The following C14orf39 variants were observed in gnomAD, a reference collection of about 807,000 sequenced individuals.
C14orf39 encodes the protein protein SIX6OS1.
In C14orf39, 66 loss-of-function variants were observed where a neutral mutation model predicts 85.6. The observed-to-expected ratio is 0.77, with a 90% CI of 0.63 to 0.95. The LOEUF (loss-of-function observed/expected upper bound fraction) is 0.95, where lower values mean the gene tolerates loss of function less well. Among genes scored for constraint, C14orf39 ranks in the 40% least tolerant of loss-of-function variants. The pLI is 0.00. For synonymous variants in C14orf39, 242 were observed against 214.0 expected, an observed-to-expected ratio of 1.13 and a Z score of -1.14; for missense variants, 735 against 663.9, an observed-to-expected ratio of 1.11 and a Z score of -1.18.
chr14:60,482,879 G>GGTGTGTGTGTGTGGGT (rs1555359398), intron 4 of C14orf39, among the ~76,000 whole-genome samples: 1 of 146,644 alleles, frequency 6.8e-6, no homozygotes, highest in Admixed American at 6.9e-5. Flanking sequence ...TATATAGACA[G>GGTGTGTGTGTGTGGGT]GTGTGTGTGT....
intron 1 of C14orf39, among the ~76,000 whole-genome samples, chr14:60,501,887 A>G (rs1160310177): frequency 6.6e-6 from 1 of 152,230 alleles, no homozygotes; most frequent in Non-Finnish European, 1.5e-5. Context: ...AGGGGAACTA[A>G]CACTTGTTGA....
At chr14:60,474,849 G>A (rs1319788774) in intron 5 of C14orf39, among the ~76,000 whole-genome samples, 3 of 152,068 alleles carry the variant, frequency 2.0e-5, no homozygotes, top group Non-Finnish European at 4.4e-5. Flanking sequence ...CAGGGATTTT[G>A]GTCTAAAATT....
intron 17 of C14orf39, among the ~76,000 whole-genome samples, chr14:60,438,409 A>C (rs1481319509): frequency 2.0e-5 from 3 of 152,262 alleles, no homozygotes; most frequent in Admixed American, 6.5e-5. Flanking sequence ...ATCCAAAAAG[A>C]GCTAAAATCT....
chr14:60,453,307 G>A lies in C14orf39; in HGVS notation c.1503+1694C>T, dbSNP rs556651834. ...ATTGACTTTTTTATCTTTATGAAAC[G>A]TCCCTCTCATTTCTAGTAATATTCT... On this transcript the variant is annotated intron_variant, in intron 16 of 17. Coordinates refer to ENST00000321731, the MANE Select transcript of C14orf39 (RefSeq NM_174978.3). Among the ~76,000 whole-genome samples the A allele has an allele frequency of 7.9e-5, 12 of 151,750 alleles. 1 individual carries two copies. The highest frequency in any genetic ancestry group is 2.7e-4 in the African/African-American group (11 of 41,434).
chr14:60,504,815 C>T (rs1893184005), intron 1 of C14orf39, among the ~76,000 whole-genome samples: 1 of 152,172 alleles, frequency 6.6e-6, no homozygotes, highest in Non-Finnish European at 1.5e-5. Context: ...GGCTTAGATA[C>T]AAATTTTTAT....
At chr14:60,467,618 C>T (rs929032214) in intron 9 of C14orf39, among the ~76,000 whole-genome samples, 4 of 151,482 alleles carry the variant, frequency 2.6e-5, no homozygotes, top group Non-Finnish European at 4.4e-5. Flanking sequence ...TTCTTAAAGG[C>T]GGTCAATAAA....
At chr14:60,492,225 A>AAGAG (rs1893000477) in intron 2 of C14orf39, among the ~76,000 whole-genome samples, 1 of 152,238 alleles carries the variant, frequency 6.6e-6, no homozygotes, top group Non-Finnish European at 1.5e-5. Context: ...CTTCCACAGG[A>AAGAG]AGAGAAAAGA....
rs539269107 is a variant in C14orf39 at position 60,506,349 on chromosome 14, T to C, written c.-143-6919A>G. On this transcript the variant is annotated intron_variant, in intron 1 of 5. Transcript: ENST00000556799. ...CCTCAAAACTGGTAAAAGAAAAAAA[T>C]ATATACCCTTCTGTAAAATTAAGAA... is the stretch of plus-strand genomic sequence containing the variant. Among the ~76,000 whole-genome samples, 9 of 152,204 alleles carry C rather than the reference T, an allele frequency of 5.9e-5. No individual in the cohort carries two copies. The South Asian group carries it at 6.2e-4, about 11-fold the overall frequency.
intron 2 of C14orf39, chr14:60,495,474 G>A (rs7144161): frequency 0.029 from 5,130 of 179,430 alleles, 281 homozygotes; most frequent in African/African-American, 0.11. Context: ...GTACACCTAT[G>A]GAGAGCATCC....
intron 1 of C14orf39, among the ~76,000 whole-genome samples, chr14:60,505,127 A>G (rs1595496913): frequency 6.6e-6 from 1 of 152,356 alleles, no homozygotes; most frequent in East Asian, 1.9e-4. Flanking sequence ...GGAAATCTAC[A>G]AACATTGCTC....
Position 60,456,969 on chromosome 14 carries a change from C to A in C14orf39, c.1306G>T (p.Ala436Ser). Residue 436 changes from alanine (A) to serine (S), a missense_variant, in exon 15 of 18, where the codon GCA (alanine) becomes TCA (serine). By Grantham distance (99) the Ala-to-Ser change is moderately conservative. Coordinates refer to ENST00000321731, the MANE Select transcript of C14orf39 (RefSeq NM_174978.3). ...IFLGTPKAVK[A>S]PESLEKIKFP... is the part of the protein sequence containing the mutation. ...TTTATTTTCTCCAATGACTCAGGTG[C>A]TTTCACAGCTTTGGGAGTTCCTAAA... 1 of 1,606,792 alleles carries A rather than the reference C, an allele frequency of 6.2e-7. No homozygotes were observed. Among genetic ancestry groups the A allele is most frequent in the Non-Finnish European group, 8.5e-7 (1 of 1,177,236 alleles).
chr14:60,472,887 C>T (rs1410853952), intron 5 of C14orf39, among the ~76,000 whole-genome samples: 1 of 152,110 alleles, frequency 6.6e-6, no homozygotes, highest in Non-Finnish European at 1.5e-5. Flanking sequence ...GTCTTTATAG[C>T]AGCATGATTT....
At chr14:60,485,225 C>A in intron 1 of C14orf39, 139 bp from the exon 2 acceptor site, 1 of 708,682 alleles carries the variant, frequency 1.4e-6, no homozygotes, top group South Asian at 1.8e-5. Flanking sequence ...CGAGAGGCCC[C>A]CTTGAGCCCA....
At chr14:60,496,508 C>CTT (rs1893072264) in intron 2 of C14orf39, 1 of 241,446 alleles carries the variant, frequency 4.1e-6, no homozygotes. Context: ...ATTCTTACTG[C>CTT]TTGGACTGGG....
At chr14:60,444,498 G>GA (rs1331175457) in intron 16 of C14orf39, among the ~76,000 whole-genome samples, 1 of 152,064 alleles carries the variant, frequency 6.6e-6, no homozygotes, top group East Asian at 1.9e-4. Flanking sequence ...CAAGATTAGA[G>GA]AAAAAAGAGT....
intron 11 of C14orf39, 46 bp downstream of exon 11, chr14:60,465,933 A>C (rs1440427990): frequency 1.0e-6 from 1 of 979,540 alleles, no homozygotes; most frequent in Non-Finnish European, 1.5e-6. Context: ...ATTACATTTA[A>C]TGCAAGCAGG....
intron 1 of C14orf39, 39 bp downstream of exon 1, chr14:60,485,906 A>C (rs1892870111): frequency 6.7e-6 from 1 of 149,184 alleles, no homozygotes; most frequent in African/African-American, 2.5e-5. Context: ...CCGCCGGCCC[A>C]GAGAAAAACC....
intron 11 of C14orf39, among the ~76,000 whole-genome samples, chr14:60,465,194 C>T (rs867414112): frequency 6.6e-6 from 1 of 152,028 alleles, no homozygotes; most frequent in Non-Finnish European, 1.5e-5. Flanking sequence ...AATTTCAGTA[C>T]CAGATTTAAA....
At chr14:60,474,881 A>G (rs1413343860) in intron 5 of C14orf39, among the ~76,000 whole-genome samples, 3 of 152,072 alleles carry the variant, frequency 2.0e-5, no homozygotes, top group Non-Finnish European at 4.4e-5. Context: ...TTGTGTCTTC[A>G]CCAGGCTTTG....
Sources: allele counts gnomAD v4.1 joint callset (sites outside exome capture counted in the v4.1 genomes callset), GRCh38; gene constraint gnomAD v4.1.1; transcripts MANE v1.5; gene names NCBI Gene and HGNC (gene_info 2026-07-23, HGNC 2026-07-21).